HS6ST3: variants seen among roughly 807,000 people sequenced by gnomAD.
HS6ST3 encodes heparan-sulfate 6-O-sulfotransferase 3.
In HS6ST3, 12 loss-of-function variants were observed where a neutral mutation model predicts 36.7. The ratio of observed to expected loss-of-function variants is 0.33; its 90% CI spans 0.21 to 0.53. The LOEUF (loss-of-function observed/expected upper bound fraction) is 0.53, where lower values mean the gene tolerates loss of function less well. HS6ST3 is among the 20% of genes least tolerant of loss of function. The pLI is 0.95. For synonymous variants in HS6ST3, 240 were observed against 257.5 expected (o/e 0.93, Z 0.65); for missense variants, 584 against 640.9 (o/e 0.91, Z 0.96).
At chr13:96,721,378 A>G (rs917164657) in intron 1 of HS6ST3, among the ~76,000 whole-genome samples, 3 of 152,130 alleles carry the variant, frequency 2.0e-5, no homozygotes, top group Non-Finnish European at 2.9e-5. Context: ...TCTATGACCA[A>G]ATTGAACTGG....
chr13:96,495,639 A>G (rs776863236), intron 1 of HS6ST3, among the ~76,000 whole-genome samples: 1 of 152,198 alleles, frequency 6.6e-6, no homozygotes, highest in Non-Finnish European at 1.5e-5. Flanking sequence ...TTAAACAGCC[A>G]TTTAATGACG....
intron 1 of HS6ST3, among the ~76,000 whole-genome samples, chr13:96,327,539 ATC>A (rs2055039521): frequency 6.6e-6 from 1 of 151,872 alleles, no homozygotes; most frequent in African/African-American, 2.4e-5. Context: ...ATTGATCTAT[ATC>A]TCTGTTTTGG....
intron 1 of HS6ST3, among the ~76,000 whole-genome samples, chr13:96,821,062 T>A (rs1878523601): frequency 6.6e-6 from 1 of 152,232 alleles, no homozygotes; most frequent in Admixed American, 6.5e-5. Context: ...CTGCAATAAT[T>A]CTCCCTTGTC....
intron 1 of HS6ST3, among the ~76,000 whole-genome samples, chr13:96,608,672 C>G (rs1239528073): frequency 6.6e-6 from 1 of 152,136 alleles, no homozygotes; most frequent in Non-Finnish European, 1.5e-5. Context: ...TTAAAAGTGA[C>G]TTAAACTATA....
intron 1 of HS6ST3, among the ~76,000 whole-genome samples, chr13:96,621,866 AG>A (rs2056496335): frequency 2.0e-5 from 3 of 152,218 alleles, no homozygotes; most frequent in Admixed American, 2.0e-4. Flanking sequence ...ATCACATACC[AG>A]GGGAATTGTG....
intron 1 of HS6ST3, among the ~76,000 whole-genome samples, chr13:96,516,692 AAC>A (rs2056074256): frequency 6.6e-6 from 1 of 152,234 alleles, no homozygotes; most frequent in Admixed American, 6.5e-5. Context: ...AATTTCAATG[AAC>A]ACATTTAAAA....
chr13:96,521,334 G>C (rs569283583), intron 1 of HS6ST3, among the ~76,000 whole-genome samples: 1 of 152,248 alleles, frequency 6.6e-6, no homozygotes, highest in East Asian at 1.9e-4. Flanking sequence ...GTGTCTGCCA[G>C]GCTTTGGTAT....
intron 1 of HS6ST3, among the ~76,000 whole-genome samples, chr13:96,634,358 G>A (rs510339): frequency 0.79 from 120,557 of 152,080 alleles, 47,991 homozygotes; most frequent in East Asian, 0.88. Flanking sequence ...AGCTCACATC[G>A]GAATGGCTTG....
intron 1 of HS6ST3, among the ~76,000 whole-genome samples, chr13:96,674,069 T>C (rs1219387960): frequency 2.6e-5 from 4 of 152,146 alleles, no homozygotes; most frequent in Admixed American, 2.6e-4. Context: ...CTACCCAATC[T>C]TGTGTCGAAT....
intron 1 of HS6ST3, among the ~76,000 whole-genome samples, chr13:96,739,474 C>T (rs955534280): frequency 6.6e-6 from 1 of 151,980 alleles, no homozygotes; most frequent in Admixed American, 6.6e-5. Context: ...GCTCACTTTC[C>T]CCCAAAATAT....
intron 1 of HS6ST3, among the ~76,000 whole-genome samples, chr13:96,692,636 C>G (rs1485245293): frequency 6.6e-6 from 1 of 152,150 alleles, no homozygotes; most frequent in Non-Finnish European, 1.5e-5. Flanking sequence ...AACAATTCAG[C>G]AGCATCTATT....
intron 1 of HS6ST3, among the ~76,000 whole-genome samples, chr13:96,321,321 C>G (rs527680626): frequency 1.6e-4 from 25 of 152,290 alleles, no homozygotes; most frequent in African/African-American, 5.8e-4. Context: ...CTTTACAGCA[C>G]TGTCGTAATT....
intron 1 of HS6ST3, among the ~76,000 whole-genome samples, chr13:96,134,022 C>A (rs1023268928): frequency 2.0e-5 from 3 of 152,070 alleles, no homozygotes; most frequent in African/African-American, 4.8e-5. Context: ...TTCTCAACAT[C>A]ATTTAATGAA....
At chr13:96,491,802 C>T (rs1360527164) in intron 1 of HS6ST3, among the ~76,000 whole-genome samples, 1 of 152,150 alleles carries the variant, frequency 6.6e-6, no homozygotes, top group Non-Finnish European at 1.5e-5. Context: ...TCATTTTGGT[C>T]TCATTTTCAG....
chr13:96,288,670 G>A (rs2054815413), intron 1 of HS6ST3, among the ~76,000 whole-genome samples: 1 of 152,028 alleles, frequency 6.6e-6, no homozygotes, highest in South Asian at 2.1e-4. Context: ...TAATCAGCAT[G>A]ATAAAGACCA....
chr13:96,317,971 A>C (rs1224378937), intron 1 of HS6ST3, among the ~76,000 whole-genome samples: 2 of 151,990 alleles, frequency 1.3e-5, no homozygotes, highest in Non-Finnish European at 2.9e-5. Context: ...TTAGATGCAC[A>C]GTTTGTGAAT....
intron 1 of HS6ST3, among the ~76,000 whole-genome samples, chr13:96,333,224 G>T (rs1417694300): frequency 6.6e-6 from 1 of 152,162 alleles, no homozygotes; most frequent in Non-Finnish European, 1.5e-5. Context: ...TGGGCCATAG[G>T]CTAATATTGA....
intron 1 of HS6ST3, among the ~76,000 whole-genome samples, chr13:96,171,831 A>G (rs1194887771): frequency 6.6e-6 from 1 of 152,302 alleles, no homozygotes; most frequent in East Asian, 1.9e-4. Context: ...AAATAACTAC[A>G]ATTACTTACT....
intron 1 of HS6ST3, among the ~76,000 whole-genome samples, chr13:96,531,012 T>G (rs1404287927): frequency 1.3e-5 from 2 of 152,218 alleles, no homozygotes; most frequent in Non-Finnish European, 2.9e-5. Flanking sequence ...AGATCATTCT[T>G]TTTTGCTTCT....
Sources: allele counts gnomAD v4.1 joint callset (sites outside exome capture counted in the v4.1 genomes callset), GRCh38; gene constraint gnomAD v4.1.1; transcripts MANE v1.5; gene names NCBI Gene and HGNC (gene_info 2026-07-23, HGNC 2026-07-21).